The following HEATR5B variants were observed in gnomAD, a reference collection of about 807,000 sequenced individuals.
The protein encoded by HEATR5B is HEAT repeat-containing protein 5B.
A neutral mutation model predicts 224.1 loss-of-function variants in HEATR5B; 156 were observed. The ratio of observed to expected loss-of-function variants is 0.70; its 90% confidence interval spans 0.61 to 0.80. The LOEUF is 0.80. Among genes scored for constraint, HEATR5B ranks in the 30% least tolerant of loss-of-function variants. The probability of loss-of-function intolerance (pLI) is 0.00; values close to 1 mark genes in which losing one functional copy is unlikely to be tolerated. For synonymous variants in HEATR5B, 1,027 were observed against 893.0 expected (o/e 1.15, Z -2.68); for missense variants, 2,323 against 2,535.5 (o/e 0.92, Z 1.80).
intron 2 of HEATR5B, among the ~76,000 whole-genome samples, chr2:37,082,052 CTTTTT>C (rs61036576): frequency 1.8e-3 from 44 of 23,952 alleles, no homozygotes; most frequent in African/African-American, 4.6e-3. Flanking sequence ...GAAGTATCTA[CTTTTT>C]TTTTTTTTTT....
At chr2:37,014,484 G>GTAA (rs1667989646) in intron 26 of HEATR5B, among the ~76,000 whole-genome samples, 1 of 151,714 alleles carries the variant, frequency 6.6e-6, no homozygotes, top group Non-Finnish European at 1.5e-5. Flanking sequence ...TATATCAATG[G>GTAA]TAAGCATAGA....
chr2:37,023,147 A>G (rs1668568744), intron 24 of HEATR5B, among the ~76,000 whole-genome samples: 1 of 152,222 alleles, frequency 6.6e-6, no homozygotes, highest in Non-Finnish European at 1.5e-5. Context: ...GGGAATTTAG[A>G]GATATAAAGT....
At chr2:36,998,216 GAAAT>G (rs1029602170) in intron 33 of HEATR5B, among the ~76,000 whole-genome samples, 1 of 151,714 alleles carries the variant, frequency 6.6e-6, no homozygotes, top group Non-Finnish European at 1.5e-5. Context: ...CTTTACAAAA[GAAAT>G]AAACCTTGAA....
rs1479688181 is a variant in HEATR5B, at chr2:37,013,825, G to C, written c.4284+16C>G. 2.6e-6 allele frequency: 4 copies of C among 1,535,906 alleles called. No individual in the cohort carries two copies. Among genetic ancestry groups the C allele is most frequent in the Admixed American group, 2.0e-5 (1 of 49,672 alleles). On this transcript the variant is annotated intron_variant, in intron 27 of 35. Transcript: ENST00000233099. ...AGAAATGGGTCAAAAACAATAGATT[G>C]TGGTTTAGTCGTTACCTCTGCCCAA...
In HEATR5B at chr2:37,068,906, A is replaced by G. The variant is rs368260794; in HGVS notation, c.952T>C (p.Leu318=). 9.9e-6 allele frequency: 16 copies of G among 1,613,632 alleles called. No homozygotes were observed. The highest frequency in any genetic ancestry group is 1.6e-4 in the Middle Eastern group (1 of 6,082). The change falls in exon 8 of 36, where the codon TTG becomes CTG. Residue 318 remains leucine, a synonymous_variant. Coordinates refer to ENST00000233099, the MANE Select transcript of HEATR5B (RefSeq NM_019024.3). The part of the protein sequence containing the change: ...TQAYVVFVTT[L]GGQWLERSFA... Reference sequence around the variant, plus strand: ...CTGCGCTCCAACCACTGACCACCCAATGTTGTCACAAAAACAACATACGCC... The same window carrying G: ...CTGCGCTCCAACCACTGACCACCCAGTGTTGTCACAAAAACAACATACGCC...
intron 32 of HEATR5B, among the ~76,000 whole-genome samples, chr2:37,001,914 GC>G (rs1667114941): frequency 6.6e-6 from 1 of 152,180 alleles, no homozygotes; most frequent in Admixed American, 6.5e-5. Context: ...TGATCCACCT[GC>G]CTCAGCCTCC....
chr2:37,000,890 T>G, intron 32 of HEATR5B, 77 bp from the exon 33 acceptor site: 1 of 957,270 alleles, frequency 1.0e-6, no homozygotes, highest in Non-Finnish European at 1.6e-6. Context: ...CTTGTATTTT[T>G]TGCATTTGAT....
chr2:37,032,449 G>C (rs1461280399), intron 22 of HEATR5B, among the ~76,000 whole-genome samples, 180 bp downstream of exon 22: 2 of 151,884 alleles, frequency 1.3e-5, no homozygotes, highest in African/African-American at 4.8e-5. Context: ...TTTTTAAAAA[G>C]CAAAAATGCA....
intron 24 of HEATR5B, among the ~76,000 whole-genome samples, chr2:37,023,638 G>A (rs1460610041): frequency 2.0e-5 from 3 of 151,900 alleles, no homozygotes; most frequent in Non-Finnish European, 2.9e-5. Flanking sequence ...ACATGGCGGC[G>A]GGTGCCTGTA....
At chr2:36,989,897 TC>T (rs1163796008) in intron 34 of HEATR5B, among the ~76,000 whole-genome samples, 75 of 137,746 alleles carry the variant, frequency 5.4e-4, no homozygotes, top group Non-Finnish European at 7.7e-4. Context: ...CAAGAATGTT[TC>T]CTTTTTTTTT....
At chr2:37,020,044 T>C (rs1227336909) in intron 25 of HEATR5B, among the ~76,000 whole-genome samples, 167 bp from the exon 26 acceptor site, 1 of 152,000 alleles carries the variant, frequency 6.6e-6, no homozygotes, top group Non-Finnish European at 1.5e-5. Context: ...GCTGGGATTA[T>C]AGGCATGCAC....
At chr2:37,052,456 C>T (rs990594641) in intron 17 of HEATR5B, among the ~76,000 whole-genome samples, 1 of 152,180 alleles carries the variant, frequency 6.6e-6, no homozygotes, top group Non-Finnish European at 1.5e-5. Flanking sequence ...TTGTAATTTG[C>T]GATGGGACAG....
intron 14 of HEATR5B, among the ~76,000 whole-genome samples, 200 bp from the exon 15 acceptor site, chr2:37,057,680 T>G (rs190517292): frequency 1.2e-3 from 182 of 152,286 alleles, no homozygotes; most frequent in African/African-American, 4.0e-3. Context: ...ATTGTGTCTT[T>G]TAGCCCAAAT....
At chr2:36,989,375 T>A (rs1013850608) in intron 34 of HEATR5B, among the ~76,000 whole-genome samples, 1 of 152,182 alleles carries the variant, frequency 6.6e-6, no homozygotes, top group Non-Finnish European at 1.5e-5. Context: ...TGAGCCACCA[T>A]GCCCGGCCAA....
chr2:37,008,507 A>C, intron 28 of HEATR5B, 104 bp downstream of exon 28: 1 of 794,424 alleles, frequency 1.3e-6, no homozygotes, highest in Non-Finnish European at 2.2e-6. Flanking sequence ...ACAGAAATTT[A>C]AACTGTTACT....
intron 33 of HEATR5B, among the ~76,000 whole-genome samples, chr2:36,995,480 C>A (rs1666637138): frequency 6.6e-6 from 1 of 152,100 alleles, no homozygotes; most frequent in Non-Finnish European, 1.5e-5. Flanking sequence ...AAAATACCAG[C>A]TCTTGATAAA....
intron 21 of HEATR5B, among the ~76,000 whole-genome samples, chr2:37,034,683 T>G (rs574447512): frequency 2.0e-5 from 3 of 146,752 alleles, no homozygotes; most frequent in African/African-American, 7.5e-5. Flanking sequence ...CACATCTTAC[T>G]GCAGCCTCAA....
intron 26 of HEATR5B, among the ~76,000 whole-genome samples, chr2:37,014,837 C>T (rs574813822): frequency 1.4e-4 from 21 of 151,710 alleles, no homozygotes; most frequent in Non-Finnish European, 2.9e-4. Context: ...ATTAGCTGGG[C>T]GTGGGCATGG....
intron 27 of HEATR5B, among the ~76,000 whole-genome samples, chr2:37,012,150 C>T (rs1473791937): frequency 6.6e-6 from 1 of 152,022 alleles, no homozygotes; most frequent in Admixed American, 6.6e-5. Flanking sequence ...ATGCTGTTAC[C>T]AGTCTAAACA....
Sources: allele counts gnomAD v4.1 joint callset (sites outside exome capture counted in the v4.1 genomes callset), GRCh38; gene constraint gnomAD v4.1.1; transcripts MANE v1.5; gene names NCBI Gene and HGNC (gene_info 2026-07-23, HGNC 2026-07-21).